The following OSBPL9 variants were observed in gnomAD, a reference collection of about 807,000 sequenced individuals.
OSBPL9 encodes the protein oxysterol binding protein like 9, also known as oxysterol-binding protein-related protein 9.
A neutral mutation model predicts 106.6 loss-of-function variants in OSBPL9; 40 were observed. The ratio of observed to expected loss-of-function variants is 0.38; its 90% CI spans 0.29 to 0.49. OSBPL9 has a LOEUF of 0.49. Among genes scored for constraint, OSBPL9 ranks in the 20% least tolerant of loss-of-function variants. OSBPL9 has a pLI of 0.97. For synonymous variants in OSBPL9, 269 were observed against 295.4 expected (o/e 0.91, Z 0.92); for missense variants, 609 against 887.2 (o/e 0.69, Z 3.98).
intron 16 of OSBPL9, among the ~76,000 whole-genome samples, chr1:51,781,952 G>A (rs192365829): frequency 1.4e-4 from 22 of 152,108 alleles, no homozygotes; most frequent in African/African-American, 4.8e-4. Flanking sequence ...TTAGGGAGAG[G>A]TCTGAGATGG....
intron 3 of OSBPL9, chr1:51,669,904 TAAAACTC>T: frequency 2.4e-6 from 1 of 421,684 alleles, no homozygotes; most frequent in Non-Finnish European, 4.7e-6. Flanking sequence ...TTTGTCTGTG[TAAAACTC>T]AAAATATAAA....
chr1:51,733,008 G>T (rs1347828948), intron 4 of OSBPL9, among the ~76,000 whole-genome samples: 1 of 152,154 alleles, frequency 6.6e-6, no homozygotes, highest in Non-Finnish European at 1.5e-5. Flanking sequence ...TTACCCCACT[G>T]TATCTCAAGT....
chr1:51,756,738 T>C (rs1398643402), intron 9 of OSBPL9: 2 of 176,020 alleles, frequency 1.1e-5, no homozygotes, highest in African/African-American at 4.7e-5. Flanking sequence ...CACCTTAATC[T>C]ATTTGAATAT....
chr1:51,772,098 C>T lies in OSBPL9; in HGVS notation c.967C>T (p.His323Tyr). 1 of 1,614,018 alleles carries T rather than the reference C, an allele frequency of 6.2e-7. No homozygotes were observed. The highest frequency in any genetic ancestry group is 8.5e-7 in the Non-Finnish European group (1 of 1,179,888). ...TTCTGGATCTGCCTCAGTCCTGACA[C>T]ACAGCAGCTCGGGAAATAGTCTAAA... Reference protein sequence around the residue: ...DSSGSASVLTHSSSGNSLKRP... With the variant: ...DSSGSASVLTYSSSGNSLKRP... Residue 323 changes from histidine to tyrosine, a missense_variant, in exon 13 of 24, where the codon CAC becomes TAC. His to Tyr is a moderately conservative substitution (Grantham distance 83). Transcript: ENST00000428468.
chr1:51,689,816 T>C (rs1014419321), intron 3 of OSBPL9, among the ~76,000 whole-genome samples: 2 of 152,232 alleles, frequency 1.3e-5, no homozygotes, highest in Non-Finnish European at 2.9e-5. Context: ...TCTGTTTCCC[T>C]AAGTCTACAT....
Position 51,788,171 on chromosome 1 carries a change from CAT to C in OSBPL9, c.*390_*391del, listed in dbSNP as rs993169298. On this transcript the variant is annotated 3_prime_UTR_variant, in exon 24 of 24. Transcript: ENST00000428468. The stretch of plus-strand genomic sequence containing the variant: ...ATCTCGGGATACACACACACACACA[CAT>C]ATATATACACACACATACGTATACA... 13 of 202,618 alleles carry C rather than the reference CAT, an allele frequency of 6.4e-5. No individual in the cohort carries two copies. Among genetic ancestry groups the C allele is most frequent in the Admixed American group, 3.3e-4 (6 of 18,232 alleles). 12.6% of individuals were successfully genotyped at this position (202,618 alleles called of 1,614,324 possible).
At chr1:51,580,938 AT>A (rs1645217799) in intron 1 of OSBPL9, among the ~76,000 whole-genome samples, 1 of 664 alleles carries the variant, frequency 1.5e-3, no homozygotes, top group African/African-American at 4.3e-3. Flanking sequence ...ATATATATAT[AT>A]ATATATATAT....
chr1:51,549,446 A>G, the OSBPL9 span, among the ~76,000 whole-genome samples: 1 of 152,338 alleles, frequency 6.6e-6, no homozygotes, highest in African/African-American at 2.4e-5. Context: ...TGCACCTGCT[A>G]TGTTCCAGAG....
At chr1:51,628,594 AAAAG>A (rs1161605362) in intron 1 of OSBPL9, among the ~76,000 whole-genome samples, 1 of 152,122 alleles carries the variant, frequency 6.6e-6, no homozygotes, top group Non-Finnish European at 1.5e-5. Context: ...AAAAAAATAA[AAAAG>A]AAAAGAGAAA....
intron 6 of OSBPL9, among the ~76,000 whole-genome samples, chr1:51,747,891 G>T (rs113572090): frequency 6.6e-6 from 1 of 152,008 alleles, no homozygotes; most frequent in East Asian, 1.9e-4. Context: ...CCAGGTTCAC[G>T]CCATTCTCCT....
chr1:51,673,041 G>A (rs1016789122), intron 3 of OSBPL9, among the ~76,000 whole-genome samples: 2 of 152,080 alleles, frequency 1.3e-5, no homozygotes, highest in African/African-American at 4.8e-5. Context: ...GAGAAAAGAG[G>A]TCCAACTACA....
intron 2 of OSBPL9, among the ~76,000 whole-genome samples, chr1:51,600,191 G>A (rs1016437652): frequency 5.3e-5 from 8 of 152,168 alleles, no homozygotes; most frequent in Admixed American, 4.6e-4. Context: ...AGCACTTTGG[G>A]TTAACTCAAT....
At chr1:51,781,388 A>G in intron 16 of OSBPL9, 53 bp downstream of exon 16, 2 of 1,532,804 alleles carry the variant, frequency 1.3e-6, no homozygotes, top group East Asian at 4.6e-5. Context: ...CTGATTCAAG[A>G]TTTTATTTAG....
Position 51,789,186 on chromosome 1 carries a change from A to C in OSBPL9, c.*1397A>C, listed in dbSNP as rs77202186. On this transcript the variant is annotated 3_prime_UTR_variant, in exon 24 of 24. Coordinates refer to ENST00000428468, the MANE Select transcript of OSBPL9 (RefSeq NM_024586.6). ...TAACTAACTCCATAAAATACAAACA[A>C]ACACATTTTAAAATACACATTGCTT... 3,641 of 1,547,024 alleles carry C rather than the reference A, an allele frequency of 2.4e-3. 65 individuals carry two copies. The African/African-American group carries it at 0.044, about 19-fold the overall frequency.
the OSBPL9 span, among the ~76,000 whole-genome samples, chr1:51,543,348 T>C: frequency 6.6e-6 from 1 of 152,160 alleles, no homozygotes; most frequent in African/African-American, 2.4e-5. Context: ...AAGAGGCAGG[T>C]CTTCTTACAA....
At chr1:51,545,463 C>T in the OSBPL9 span, among the ~76,000 whole-genome samples, 1 of 152,112 alleles carries the variant, frequency 6.6e-6, no homozygotes, top group Non-Finnish European at 1.5e-5. Flanking sequence ...GTCCCAGCTA[C>T]AGTCCCACCT....
chr1:51,551,339 C>A, the OSBPL9 span, among the ~76,000 whole-genome samples: 11 of 152,062 alleles, frequency 7.2e-5, no homozygotes, highest in Admixed American at 2.6e-4. Context: ...GGATCCAATT[C>A]ATTTCCCTCT....
upstream of OSBPL9, among the ~76,000 whole-genome samples, chr1:51,574,746 T>A (rs972948726): frequency 6.6e-6 from 1 of 152,194 alleles, no homozygotes; most frequent in South Asian, 2.1e-4. Flanking sequence ...TTAGAGGGAC[T>A]CATCCCTTAC....
chr1:51,644,878 C>T (rs140797469), intron 1 of OSBPL9, among the ~76,000 whole-genome samples: 2 of 152,252 alleles, frequency 1.3e-5, no homozygotes, highest in Admixed American at 1.3e-4. Flanking sequence ...AATAGAACCT[C>T]CTTTCCCAAC....
Sources: gnomAD v4.1 joint callset for allele counts (sites outside exome capture counted in the v4.1 genomes callset) on GRCh38, gnomAD v4.1.1 for gene constraint, MANE v1.5 for transcripts, NCBI Gene and HGNC (gene_info 2026-07-23, HGNC 2026-07-21) for gene names.